Variants in ABLIM1 observed in about 807,000 individuals in gnomAD.
The protein encoded by ABLIM1 is actin-binding LIM protein 1.
A neutral mutation model predicts 107.0 loss-of-function variants in ABLIM1; 40 were observed. The ratio of observed to expected loss-of-function variants is 0.37; its 90% confidence interval spans 0.29 to 0.49. The LOEUF is 0.49. ABLIM1 is among the 20% of genes least tolerant of loss of function. The pLI is 0.97. For missense variants in ABLIM1, 857 were observed against 1,008.5 expected (o/e 0.85, Z 2.04); for synonymous variants, 357 against 357.3 (o/e 1.00, Z 0.01).
chr10:114,751,255 T>C (rs901587286), intron 1 of ABLIM1, among the ~76,000 whole-genome samples: 3 of 151,850 alleles, frequency 2.0e-5, no homozygotes, highest in African/African-American at 4.8e-5. Context: ...TTCTACTCCA[T>C]ACAAAAGATG....
In ABLIM1 at chr10:114,486,424, C is replaced by T. The variant is rs779922415; in HGVS notation, c.1041+1534G>A. 2.0e-5 allele frequency among the ~76,000 whole-genome samples: 3 copies of T among 152,226 alleles called. No homozygotes were observed. The East Asian group carries it at 5.8e-4, about 29-fold the overall frequency. ...TGGGGTGGTTTCTGGGCAGCATCCT[C>T]AAGCTATGCTGTGAACTTTACATTC... On this transcript the variant is annotated intron_variant, in intron 8 of 22. Transcript: ENST00000533213.
In ABLIM1 at chr10:114,473,083, G is replaced by A. The variant is rs1281988595; in HGVS notation, c.1169C>T (p.Pro390Leu). The change falls in exon 10 of 23, where the codon CCG (proline) becomes CTG (leucine). Residue 390 changes from proline (P) to leucine (L), a missense_variant. Pro to Leu is a moderately conservative substitution (Grantham distance 98). Around this residue, in one of 5 missense-constraint regions of ABLIM1, gnomAD observed 381 missense variants for 506.9 expected, o/e 0.75. Transcript: ENST00000533213. The stretch of plus-strand genomic sequence containing the variant: ...AATGTCATAAATTGCCTTGACCTTC[G>A]GAATGGCTGCTAAATCCTTGTAATC... ...ILDYKDLAAIPKVKAIYDIER... is the reference protein window; with the variant it reads ...ILDYKDLAAILKVKAIYDIER... 2 of 1,612,966 alleles carry A rather than the reference G, an allele frequency of 1.2e-6. No individual in the cohort carries two copies. The highest frequency in any genetic ancestry group is 1.7e-6 in the Non-Finnish European group (2 of 1,179,458).
chr10:114,617,943 GTC>G (rs1276171996), intron 1 of ABLIM1, among the ~76,000 whole-genome samples: 1 of 152,076 alleles, frequency 6.6e-6, no homozygotes, highest in East Asian at 1.9e-4. Context: ...GCAAGACCCT[GTC>G]TCTATAAGAA....
chr10:114,763,250 T>G (rs559826448), intron 1 of ABLIM1, among the ~76,000 whole-genome samples: 1 of 152,308 alleles, frequency 6.6e-6, no homozygotes, highest in East Asian at 1.9e-4. Context: ...ATTCTGAGGT[T>G]TTGATAGGAA....
chr10:114,535,751 A>C (rs4751583), intron 6 of ABLIM1, among the ~76,000 whole-genome samples: 7 of 151,956 alleles, frequency 4.6e-5, no homozygotes, highest in Non-Finnish European at 1.0e-4. Flanking sequence ...AAAGTATATA[A>C]TTCAGTAATT....
At chr10:114,491,034 T>TTA (rs1292114480) in intron 7 of ABLIM1, among the ~76,000 whole-genome samples, 5 of 92,020 alleles carry the variant, frequency 5.4e-5, no homozygotes, top group Admixed American at 3.6e-4. Context: ...ATGGTCTATT[T>TTA]TATATATATA....
chr10:114,702,400 A>G (rs2081323726), intron 1 of ABLIM1, among the ~76,000 whole-genome samples: 1 of 152,258 alleles, frequency 6.6e-6, no homozygotes, highest in African/African-American at 2.4e-5. Flanking sequence ...AAGAATTTGC[A>G]GAATTAAAAT....
chr10:114,536,494 C>T (rs1221469487), intron 6 of ABLIM1, among the ~76,000 whole-genome samples: 1 of 151,800 alleles, frequency 6.6e-6, no homozygotes, highest in Non-Finnish European at 1.5e-5. Context: ...GTGATCTGCC[C>T]ACCTTGGCCT....
chr10:114,605,825 G>C (rs997235422), intron 1 of ABLIM1, among the ~76,000 whole-genome samples: 11 of 152,102 alleles, frequency 7.2e-5, no homozygotes, highest in African/African-American at 2.4e-4. Context: ...GCTTACTGAG[G>C]AGTTTCACAC....
At chr10:114,462,605 G>A (rs1383965793) in intron 12 of ABLIM1, among the ~76,000 whole-genome samples, 2 of 152,056 alleles carry the variant, frequency 1.3e-5, no homozygotes, top group Non-Finnish European at 2.9e-5. Context: ...ATGTTAATAT[G>A]GTCATGGTTT....
At chr10:114,607,269 C>T (rs376179759) in intron 1 of ABLIM1, among the ~76,000 whole-genome samples, 1 of 152,182 alleles carries the variant, frequency 6.6e-6, no homozygotes, top group Non-Finnish European at 1.5e-5. Context: ...ACCATGTTGG[C>T]CAGGATGGTC....
chr10:114,555,896 A>T (rs1183550380), intron 4 of ABLIM1, among the ~76,000 whole-genome samples: 1 of 152,230 alleles, frequency 6.6e-6, no homozygotes, highest in African/African-American at 2.4e-5. Context: ...ACAAAAGTAC[A>T]AAATAAGTTC....
intron 10 of ABLIM1, among the ~76,000 whole-genome samples, chr10:114,472,188 C>T (rs1042787054): frequency 6.6e-6 from 1 of 152,180 alleles, no homozygotes; most frequent in Non-Finnish European, 1.5e-5. Flanking sequence ...TCCTCACTAA[C>T]ACCCTATGAG....
At chr10:114,662,498 G>A (rs570601482), upstream of ABLIM1, among the ~76,000 whole-genome samples, 1 of 152,058 alleles carries the variant, frequency 6.6e-6, no homozygotes, top group Non-Finnish European at 1.5e-5. Flanking sequence ...GGTCAGCCCT[G>A]GGCATCTTCT....
chr10:114,526,580 C>T (rs1288508183), intron 6 of ABLIM1: 5 of 976,524 alleles, frequency 5.1e-6, no homozygotes, highest in Non-Finnish European at 6.1e-6. Context: ...CGGCCTCCGA[C>T]CTCACGAAGG....
intron 6 of ABLIM1, among the ~76,000 whole-genome samples, chr10:114,540,312 T>G (rs960106828): frequency 2.0e-5 from 3 of 152,190 alleles, no homozygotes; most frequent in Non-Finnish European, 2.9e-5. Flanking sequence ...GAATTACACG[T>G]ATATTTTCAA....
At chr10:114,471,354 C>T (rs1036519026) in intron 10 of ABLIM1, among the ~76,000 whole-genome samples, 10 of 152,182 alleles carry the variant, frequency 6.6e-5, no homozygotes, top group African/African-American at 2.4e-4. Flanking sequence ...ACTCACATCC[C>T]CTTGCTTGTA....
intron 1 of ABLIM1, among the ~76,000 whole-genome samples, chr10:114,602,285 C>T (rs755536282): frequency 8.5e-5 from 13 of 152,184 alleles, no homozygotes; most frequent in Non-Finnish European, 1.3e-4. Context: ...GTTATGTGGA[C>T]TTGTAATATG....
chr10:114,781,909 G>A, the ABLIM1 span, among the ~76,000 whole-genome samples: 1 of 151,806 alleles, frequency 6.6e-6, no homozygotes, highest in Non-Finnish European at 1.5e-5. Flanking sequence ...AAGGCACTGT[G>A]GTCTGATAGT....
Sources: gnomAD v4.1 joint callset for allele counts (sites outside exome capture counted in the v4.1 genomes callset) on GRCh38, gnomAD v4.1.1 for gene constraint, gnomAD v4.1.1 regional missense constraint, MANE v1.5 for transcripts, NCBI Gene and HGNC (gene_info 2026-07-23, HGNC 2026-07-21) for gene names.